Variants in PACS1 observed in about 807,000 individuals in gnomAD.
PACS1 encodes PACS-1.
PACS1 carries 24 observed loss-of-function variants against 115.0 expected under a neutral mutation model. The ratio of observed to expected loss-of-function variants is 0.21; its 90% CI spans 0.15 to 0.29. The LOEUF (loss-of-function observed/expected upper bound fraction) is 0.29, where lower values mean the gene tolerates loss of function less well. Ranked by LOEUF, PACS1 falls within the 10% of genes least tolerant of loss-of-function variation. PACS1 has a pLI of 1.00. For missense variants in PACS1, 838 were observed against 1,251.2 expected (o/e 0.67, Z 4.98); for synonymous variants, 453 against 504.5 (o/e 0.90, Z 1.37).
intron 7 of PACS1, among the ~76,000 whole-genome samples, chr11:66,219,318 G>A (rs774615729): frequency 4.0e-5 from 6 of 151,890 alleles, no homozygotes; most frequent in Non-Finnish European, 5.9e-5. Context: ...GTGTGTTGGC[G>A]ACATCAGTAA....
chr11:66,149,312 G>A (rs1222052155), intron 1 of PACS1, among the ~76,000 whole-genome samples: 1 of 151,778 alleles, frequency 6.6e-6, no homozygotes, highest in Admixed American at 6.6e-5. Context: ...GGCTGGTCTC[G>A]AACCCCTGAC....
intron 1 of PACS1, among the ~76,000 whole-genome samples, chr11:66,157,132 G>C (rs951091558): frequency 2.0e-5 from 3 of 152,096 alleles, no homozygotes; most frequent in Non-Finnish European, 2.9e-5. Context: ...GATGTCTTCA[G>C]GGTCAGGAGA....
At chr11:66,123,561 G>A (rs1271886377) in intron 1 of PACS1, among the ~76,000 whole-genome samples, 1 of 151,038 alleles carries the variant, frequency 6.6e-6, no homozygotes. Flanking sequence ...TCGCTCTGTC[G>A]CCCAGGCTAG....
At chr11:66,229,676 C>T (rs539869736) in intron 11 of PACS1, among the ~76,000 whole-genome samples, 1 of 151,700 alleles carries the variant, frequency 6.6e-6, no homozygotes, top group South Asian at 2.1e-4. Flanking sequence ...AAGACTCCGT[C>T]TCAAAAATAA....
chr11:66,116,896 A>T (rs200895065), intron 1 of PACS1, among the ~76,000 whole-genome samples: 1 of 294 alleles, frequency 3.4e-3, no homozygotes, highest in Non-Finnish European at 0.25. Context: ...TCTCAAAAAC[A>T]AAAAAAAAAA....
chr11:66,108,110 A>C (rs371079493), intron 1 of PACS1, among the ~76,000 whole-genome samples: 68 of 152,342 alleles, frequency 4.5e-4, no homozygotes, highest in African/African-American at 1.4e-3. Context: ...CTACCATAAC[A>C]AAATACCATA....
chr11:66,111,302 G>C (rs1429820965), intron 1 of PACS1, among the ~76,000 whole-genome samples: 1 of 152,202 alleles, frequency 6.6e-6, no homozygotes, highest in Non-Finnish European at 1.5e-5. Context: ...TGTATATGTG[G>C]TTTATTGTTG....
chr11:66,220,225 CTT>C (rs1565152398), intron 8 of PACS1: 1 of 289,306 alleles, frequency 3.5e-6, no homozygotes, highest in African/African-American at 2.2e-5. Context: ...GAGAAGCAGT[CTT>C]TTCCCTGGGC....
chr11:66,213,068 G>T (rs1855114846), intron 4 of PACS1, among the ~76,000 whole-genome samples: 1 of 152,082 alleles, frequency 6.6e-6, no homozygotes, highest in Admixed American at 6.5e-5. Flanking sequence ...GTCTGGGCTG[G>T]TCTTGAACTC....
chr11:66,084,610 G>T (rs1028734458), intron 1 of PACS1, among the ~76,000 whole-genome samples: 1 of 152,176 alleles, frequency 6.6e-6, no homozygotes, highest in African/African-American at 2.4e-5. Flanking sequence ...AGTGGTGGGA[G>T]TCTGGGCATA....
At position 66,244,683 on chromosome 11, in the gene PACS1, G is replaced by C. The variant is rs1471229939; in HGVS notation, c.*1403G>C. ...TCCTGGGCCAGAGAGAGGAGATGGG[G>C]GTGGGAGGGACTGAGTTGATGTTGG... is the stretch of plus-strand genomic sequence containing the variant. On this transcript the variant is annotated 3_prime_UTR_variant, in exon 24 of 24. Coordinates refer to ENST00000320580, the MANE Select transcript of PACS1 (RefSeq NM_018026.4). The C allele has an allele frequency of 2.0e-5, 3 of 152,302 alleles. No individual in the cohort carries two copies. The highest frequency in any genetic ancestry group is 7.2e-5 in the African/African-American group (3 of 41,462). The allele number at this position is 152,302 out of a possible 1,614,324, so 9.4% of individuals were successfully genotyped here.
intron 4 of PACS1, among the ~76,000 whole-genome samples, chr11:66,213,112 A>G (rs935948851): frequency 1.3e-5 from 2 of 152,194 alleles, no homozygotes; most frequent in South Asian, 2.1e-4. Context: ...TTGGCCTCCC[A>G]GAGTGCTGGG....
intron 1 of PACS1, among the ~76,000 whole-genome samples, chr11:66,183,035 T>G (rs572639491): frequency 1.3e-5 from 2 of 151,792 alleles, no homozygotes; most frequent in Non-Finnish European, 2.9e-5. Flanking sequence ...GAGGCTGAGG[T>G]GGGAGAATCA....
At chr11:66,151,793 G>A (rs1480070808) in intron 1 of PACS1, among the ~76,000 whole-genome samples, 2 of 152,090 alleles carry the variant, frequency 1.3e-5, no homozygotes, top group Admixed American at 1.3e-4. Flanking sequence ...GTACAGTGTT[G>A]GATTTTGCAG....
At chr11:66,164,140 T>C (rs1312934338) in intron 1 of PACS1, among the ~76,000 whole-genome samples, 1 of 152,326 alleles carries the variant, frequency 6.6e-6, no homozygotes, top group Non-Finnish European at 1.5e-5. Flanking sequence ...TGGCAGAATC[T>C]GGATTTAATG....
At chr11:66,160,156 G>A (rs901918004) in intron 1 of PACS1, among the ~76,000 whole-genome samples, 2 of 152,196 alleles carry the variant, frequency 1.3e-5, no homozygotes, top group Non-Finnish European at 1.5e-5. Context: ...CAATGTGACT[G>A]TAATTCAAAT....
At chr11:66,241,692 A>G (rs770938485) in intron 22 of PACS1, 39 bp downstream of exon 22, 6 of 1,511,004 alleles carry the variant, frequency 4.0e-6, no homozygotes, top group Non-Finnish European at 5.5e-6. Flanking sequence ...ATGGGCCACC[A>G]GGCCTCCCGT....
intron 1 of PACS1, chr11:66,100,678 A>G (rs1857897119): frequency 2.5e-6 from 1 of 398,476 alleles, no homozygotes; most frequent in African/African-American, 2.1e-5. Flanking sequence ...AATAATACTC[A>G]ATTCTCTCTG....
At chr11:66,193,133 C>G (rs187331261) in intron 1 of PACS1, among the ~76,000 whole-genome samples, 79 of 152,292 alleles carry the variant, frequency 5.2e-4, no homozygotes, top group Non-Finnish European at 8.2e-4. Flanking sequence ...TTGCCTTTGG[C>G]TTGAGATGAA....
Sources: allele counts gnomAD v4.1 joint callset (sites outside exome capture counted in the v4.1 genomes callset), GRCh38; gene constraint gnomAD v4.1.1; transcripts MANE v1.5; gene names NCBI Gene and HGNC (gene_info 2026-07-23, HGNC 2026-07-21).